SLIT3: variants seen among roughly 807,000 people sequenced by gnomAD.
The protein encoded by SLIT3 is slit homolog 3 protein.
Under a neutral mutation model 184.0 loss-of-function variants are expected in SLIT3, and 68 were observed. That is an observed-to-expected ratio of 0.37 (90% CI 0.30 to 0.45). SLIT3 has a LOEUF of 0.45. SLIT3 is among the 20% of genes least tolerant of loss of function. The pLI is 1.00. For synonymous variants in SLIT3, 831 were observed against 828.6 expected (o/e 1.00, Z -0.05); for missense variants, 1,707 against 2,026.0 (o/e 0.84, Z 3.02).
Position 168,666,145 on chromosome 5 carries a change from AT to A in SLIT3, c.*308del. 4.7e-6 allele frequency: 1 copy of A among 212,620 alleles called. No individual in the cohort carries two copies. Among genetic ancestry groups the A allele is most frequent in the African/African-American group, 2.3e-5 (1 of 43,948 alleles). 13.2% of individuals were successfully genotyped at this position (212,620 alleles called of 1,614,324 possible). A position where few individuals can be genotyped will look rare whatever the true frequency, so the allele number is the denominator to read the frequency against. ...TTTTATTAGTCTATTTTTTTCTTAA[AT>A]TTTTAAACAGCTATTTTTAAAAACA... On this transcript the variant is annotated 3_prime_UTR_variant, in exon 36 of 36. Transcript: ENST00000519560.
chr5:168,774,045 T>C (rs1217862687), intron 13 of SLIT3, among the ~76,000 whole-genome samples, 190 bp downstream of exon 13: 1 of 152,222 alleles, frequency 6.6e-6, no homozygotes, highest in African/African-American at 2.4e-5. Flanking sequence ...GTACTCCATG[T>C]GGTGTCAAGC....
chr5:168,835,702 T>G (rs537281702), intron 6 of SLIT3, among the ~76,000 whole-genome samples: 2 of 151,612 alleles, frequency 1.3e-5, no homozygotes, highest in South Asian at 4.2e-4. Context: ...TCCCAGCTAC[T>G]CAGGAGGCTG....
chr5:168,687,243 T>C, intron 29 of SLIT3, 127 bp from the exon 30 acceptor site: 1 of 1,050,702 alleles, frequency 9.5e-7, no homozygotes, highest in Non-Finnish European at 1.4e-6. Context: ...CTTTGGGATC[T>C]GCAAAGCCTG....
chr5:169,012,840 C>A (rs950510873), intron 4 of SLIT3: 8 of 152,220 alleles, frequency 5.3e-5, no homozygotes, highest in Non-Finnish European at 1.0e-4. Context: ...TTCAGTCAGA[C>A]CTGGGATGAA....
chr5:169,258,629 G>A (rs894239837), intron 1 of SLIT3, among the ~76,000 whole-genome samples: 6 of 152,200 alleles, frequency 3.9e-5, no homozygotes, highest in African/African-American at 9.7e-5. Context: ...CCAATGCTGC[G>A]ACTTGGAGCT....
intron 4 of SLIT3, among the ~76,000 whole-genome samples, chr5:168,922,997 G>A (rs1761691811): frequency 6.6e-6 from 1 of 152,166 alleles, no homozygotes; most frequent in African/African-American, 2.4e-5. Context: ...TACGGAAAGT[G>A]AGGATACTTT....
At chr5:169,196,711 A>C (rs1230517979) in intron 3 of SLIT3, among the ~76,000 whole-genome samples, 3 of 152,202 alleles carry the variant, frequency 2.0e-5, no homozygotes, top group Non-Finnish European at 2.9e-5. Flanking sequence ...GTTCTGAACC[A>C]CCATGCTACT....
intron 4 of SLIT3, among the ~76,000 whole-genome samples, chr5:169,040,684 C>T (rs764594621): frequency 2.0e-5 from 3 of 152,178 alleles, no homozygotes; most frequent in Non-Finnish European, 4.4e-5. Context: ...ACTGTCTTAC[C>T]GATGTAGTAA....
intron 4 of SLIT3, among the ~76,000 whole-genome samples, chr5:169,100,064 C>T (rs1319455570): frequency 6.6e-6 from 1 of 152,198 alleles, no homozygotes; most frequent in Non-Finnish European, 1.5e-5. Flanking sequence ...CATCACCCTG[C>T]CAAGCCTCTC....
chr5:169,150,062 A>T (rs575508178), intron 4 of SLIT3, among the ~76,000 whole-genome samples: 2 of 152,342 alleles, frequency 1.3e-5, no homozygotes, highest in East Asian at 1.9e-4. Context: ...TAGATGCCAA[A>T]ACCAGGCTCT....
chr5:169,109,540 T>C (rs1017897492), intron 4 of SLIT3, among the ~76,000 whole-genome samples: 6 of 152,216 alleles, frequency 3.9e-5, no homozygotes, highest in African/African-American at 1.4e-4. Flanking sequence ...TAAATGTGTG[T>C]TGTTTTAAGC....
chr5:168,886,401 C>T (rs976203763), intron 4 of SLIT3, among the ~76,000 whole-genome samples: 3 of 152,060 alleles, frequency 2.0e-5, no homozygotes, highest in Non-Finnish European at 2.9e-5. Flanking sequence ...TTTATCTCTA[C>T]GTGGTGCCAG....
At chr5:169,124,189 T>A (rs1399256020) in intron 4 of SLIT3, among the ~76,000 whole-genome samples, 3 of 152,210 alleles carry the variant, frequency 2.0e-5, no homozygotes, top group African/African-American at 7.2e-5. Flanking sequence ...GGACCCTCAG[T>A]TCTTTAGGAA....
intron 4 of SLIT3, among the ~76,000 whole-genome samples, chr5:168,928,587 C>T (rs1164828700): frequency 6.6e-6 from 1 of 152,142 alleles, no homozygotes; most frequent in Admixed American, 6.5e-5. Context: ...CTGCCTGCCT[C>T]TTTGTGTATG....
intron 4 of SLIT3, among the ~76,000 whole-genome samples, chr5:169,021,644 C>A (rs1475291245): frequency 6.6e-6 from 1 of 152,192 alleles, no homozygotes; most frequent in African/African-American, 2.4e-5. Context: ...AGCTACCGTG[C>A]CCAGCCAAGA....
chr5:169,222,796 T>C (rs768825829), intron 3 of SLIT3, among the ~76,000 whole-genome samples: 18 of 152,252 alleles, frequency 1.2e-4, no homozygotes, highest in Non-Finnish European at 2.2e-4. Flanking sequence ...AGCCATTACA[T>C]GAATGCAGGT....
intron 14 of SLIT3, 135 bp from the exon 15 acceptor site, chr5:168,762,824 A>G: frequency 1.2e-6 from 1 of 816,210 alleles, no homozygotes; most frequent in Non-Finnish European, 2.0e-6. Flanking sequence ...CAGACACGGC[A>G]TCGCCTTTGC....
intron 5 of SLIT3, among the ~76,000 whole-genome samples, chr5:168,853,331 AG>A (rs1758740606): frequency 6.6e-6 from 1 of 152,224 alleles, no homozygotes; most frequent in South Asian, 2.1e-4. Context: ...AACTAAGGAG[AG>A]AAATTGCAAA....
At chr5:168,789,523 T>C (rs765897260) in intron 11 of SLIT3, 37 bp downstream of exon 11, 4 of 1,534,924 alleles carry the variant, frequency 2.6e-6, no homozygotes, top group Non-Finnish European at 2.7e-6. Flanking sequence ...GCGCCCCCCC[T>C]CCCCTCACCT....
Sources: gnomAD v4.1 joint callset for allele counts (sites outside exome capture counted in the v4.1 genomes callset) on GRCh38, gnomAD v4.1.1 for gene constraint, MANE v1.5 for transcripts, NCBI Gene and HGNC (gene_info 2026-07-23, HGNC 2026-07-21) for gene names.